The following CNTNAP2 variants were observed in gnomAD, a reference collection of about 807,000 sequenced individuals.
CNTNAP2 encodes contactin-associated protein-like 2.
CNTNAP2 carries 98 observed loss-of-function variants against 155.2 expected under a neutral mutation model. The ratio of observed to expected loss-of-function variants is 0.63; its 90% CI spans 0.54 to 0.75. The LOEUF (loss-of-function observed/expected upper bound fraction) is 0.75, where lower values mean the gene tolerates loss of function less well. CNTNAP2 is among the 30% of genes least tolerant of loss of function. The pLI, the probability that CNTNAP2 is intolerant of heterozygous loss-of-function variation, is 0.00. For synonymous variants in CNTNAP2, 651 were observed against 631.2 expected, an observed-to-expected ratio of 1.03 and a Z score of -0.47; for missense variants, 1,727 against 1,688.1, an observed-to-expected ratio of 1.02 and a Z score of -0.40.
At chr7:147,553,039 T>C (rs1398535042) in intron 11 of CNTNAP2, among the ~76,000 whole-genome samples, 4 of 152,232 alleles carry the variant, frequency 2.6e-5, no homozygotes, top group African/African-American at 9.6e-5. Context: ...ACAATGACAA[T>C]GTCTACTAAA....
At chr7:147,494,606 T>A (rs1285345384) in intron 11 of CNTNAP2, among the ~76,000 whole-genome samples, 1 of 152,172 alleles carries the variant, frequency 6.6e-6, no homozygotes, top group African/African-American at 2.4e-5. Flanking sequence ...CATTATTCAT[T>A]AAACTCCCTG....
intron 1 of CNTNAP2, among the ~76,000 whole-genome samples, chr7:146,620,357 A>G (rs1005792561): frequency 6.6e-6 from 1 of 152,190 alleles, no homozygotes; most frequent in Non-Finnish European, 1.5e-5. Flanking sequence ...GGTTCCTGCC[A>G]GAGATGTAGA....
rs185956688 is a variant in CNTNAP2 at position 147,166,408 on chromosome 7, G to T, written c.1348+33899G>T. On this transcript the variant is annotated intron_variant, in intron 8 of 23. Transcript: ENST00000361727. ...ACTCCGGAGGAAGGATGGGAGGCGG[G>T]TGAGGGATCAAAGACTACAAATTGA... Among the ~76,000 whole-genome samples, 502 of 152,266 alleles carry T rather than the reference G, an allele frequency of 3.3e-3. 3 individuals carry two copies. The highest frequency in any genetic ancestry group is 0.012 in the African/African-American group (484 of 41,534).
intron 13 of CNTNAP2, among the ~76,000 whole-genome samples, chr7:147,719,250 A>G (rs1311263290): frequency 6.6e-6 from 1 of 152,088 alleles, no homozygotes. Context: ...CTCTACTCCA[A>G]CTGCAAACAA....
rs578098297 is a variant in CNTNAP2, at chr7:146,440,122, TCAAAA to T, written c.97+323170_97+323174del. Reference sequence around the variant, plus strand: ...GTGGGCAACAGAGAGCGACTCCATCTCAAAACAAAACAAAACAAAACAAAAAATCT... The same window carrying T: ...GTGGGCAACAGAGAGCGACTCCATCTCAAAACAAAACAAAACAAAAAATCT... On this transcript the variant is annotated intron_variant, in intron 1 of 23. Coordinates refer to ENST00000361727, the MANE Select transcript of CNTNAP2 (RefSeq NM_014141.6). 7.2e-4 allele frequency among the ~76,000 whole-genome samples: 109 copies of T among 151,718 alleles called. 1 individual carries two copies. The highest frequency in any genetic ancestry group is 6.8e-3 in the Middle Eastern group (2 of 294).
intron 2 of CNTNAP2, among the ~76,000 whole-genome samples, chr7:146,778,341 C>T (rs1206828643): frequency 1.3e-5 from 2 of 152,188 alleles, no homozygotes; most frequent in African/African-American, 4.8e-5. Flanking sequence ...CTCCACAATA[C>T]AAATCCATCT....
chr7:147,715,813 T>C (rs570374819), intron 13 of CNTNAP2, among the ~76,000 whole-genome samples: 61 of 152,298 alleles, frequency 4.0e-4, no homozygotes, highest in African/African-American at 1.4e-3. Context: ...TTTCTAGACA[T>C]TTTATAGTTT....
chr7:147,584,263 G>A (rs932309161), intron 12 of CNTNAP2, among the ~76,000 whole-genome samples: 15 of 152,130 alleles, frequency 9.9e-5, no homozygotes, highest in African/African-American at 3.4e-4. Context: ...ATAGAGTGGT[G>A]TATCTTACAA....
At chr7:146,622,287 A>G (rs200431277) in intron 1 of CNTNAP2, among the ~76,000 whole-genome samples, 3 of 126,626 alleles carry the variant, frequency 2.4e-5, no homozygotes, top group African/African-American at 8.6e-5. Flanking sequence ...ATCTATATAT[A>G]TATATGTTTT....
At chr7:146,598,938 T>C (rs1408294495) in intron 1 of CNTNAP2, among the ~76,000 whole-genome samples, 3 of 152,082 alleles carry the variant, frequency 2.0e-5, no homozygotes, top group Non-Finnish European at 4.4e-5. Flanking sequence ...TGAAAATCCT[T>C]CCAATTCCCC....
intron 13 of CNTNAP2, among the ~76,000 whole-genome samples, chr7:147,692,331 T>C (rs982478760): frequency 3.2e-4 from 49 of 152,132 alleles, no homozygotes; most frequent in African/African-American, 1.1e-3. Flanking sequence ...CACAGACTTT[T>C]GTGTGAACAT....
At chr7:148,151,047 C>T (rs1563215778) in intron 17 of CNTNAP2, among the ~76,000 whole-genome samples, 1 of 152,024 alleles carries the variant, frequency 6.6e-6, no homozygotes. Context: ...TTTTTTATTA[C>T]ATGCTTGGTA....
chr7:146,837,953 T>C (rs1283314738), intron 2 of CNTNAP2, among the ~76,000 whole-genome samples: 1 of 152,186 alleles, frequency 6.6e-6, no homozygotes, highest in Non-Finnish European at 1.5e-5. Context: ...TTACCTGGTC[T>C]TGTGCAGTCT....
chr7:147,308,252 G>A (rs1354139555), intron 9 of CNTNAP2, among the ~76,000 whole-genome samples: 1 of 152,186 alleles, frequency 6.6e-6, no homozygotes, highest in African/African-American at 2.4e-5. Flanking sequence ...GTGTGGCTGA[G>A]AAAAGGTGAG....
chr7:147,211,516 C>A (rs1326160050), intron 8 of CNTNAP2, among the ~76,000 whole-genome samples: 1 of 151,970 alleles, frequency 6.6e-6, no homozygotes, highest in Non-Finnish European at 1.5e-5. Context: ...AGCCACACAC[C>A]TCCAATAATA....
At chr7:146,211,255 A>G (rs576253307) in intron 1 of CNTNAP2, among the ~76,000 whole-genome samples, 1 of 152,328 alleles carries the variant, frequency 6.6e-6, no homozygotes, top group African/African-American at 2.4e-5. Flanking sequence ...ACATCTGAAA[A>G]AAATATAGTT....
rs942876261 is a variant in CNTNAP2 at position 147,003,056 on chromosome 7, G to A, written c.403-40851G>A. Among the ~76,000 whole-genome samples the A allele has an allele frequency of 4.6e-5, 7 of 151,268 alleles. 1 individual carries two copies. The South Asian group carries it at 1.5e-3, about 32-fold the overall frequency. ...GTTGTATCTCTAGCATTATGAGGAAGAGAAGTCCCAGAGTGACTATCTGTC... is the reference window on the plus strand; with the variant it reads ...GTTGTATCTCTAGCATTATGAGGAAAAGAAGTCCCAGAGTGACTATCTGTC... On this transcript the variant is annotated intron_variant, in intron 3 of 23. Transcript: ENST00000361727.
In CNTNAP2 at chr7:147,835,759, C is replaced by T. The variant is rs538503754; in HGVS notation, c.2099-67806C>T. 4.6e-5 allele frequency among the ~76,000 whole-genome samples: 7 copies of T among 152,294 alleles called. No homozygotes were observed. In the South Asian group the frequency reaches 1.5e-3, roughly 32 times the overall value. ...AGATCATCCTGGACTTAGAAATCTA[C>T]TCTAAATCCACTGACTGGAGTCCTC... On this transcript the variant is annotated intron_variant, in intron 13 of 23. Transcript: ENST00000361727.
chr7:146,554,197 G>A (rs915169348), intron 1 of CNTNAP2, among the ~76,000 whole-genome samples: 4 of 152,006 alleles, frequency 2.6e-5, no homozygotes, highest in Admixed American at 1.3e-4. Flanking sequence ...CTCCTGTCTC[G>A]GCATATAGCT....
Sources: gnomAD v4.1 joint callset for allele counts (sites outside exome capture counted in the v4.1 genomes callset) on GRCh38, gnomAD v4.1.1 for gene constraint, MANE v1.5 for transcripts, NCBI Gene and HGNC (gene_info 2026-07-23, HGNC 2026-07-21) for gene names.